JARID2: variants seen among roughly 807,000 people sequenced by gnomAD.
The protein encoded by JARID2 is protein Jumonji.
JARID2 carries 21 observed loss-of-function variants against 125.6 expected under a neutral mutation model. The observed-to-expected ratio is 0.17, with a 90% CI of 0.12 to 0.24. JARID2 has a LOEUF of 0.24. Among genes scored for constraint, JARID2 ranks in the 10% least tolerant of loss-of-function variants. The probability of loss-of-function intolerance (pLI) is 1.00; values close to 1 mark genes in which losing one functional copy is unlikely to be tolerated. For synonymous variants in JARID2, 736 were observed against 661.6 expected, an observed-to-expected ratio of 1.11 and a Z score of -1.73; for missense variants, 1,303 against 1,639.6, an observed-to-expected ratio of 0.79 and a Z score of 3.55.
At chr6:15,276,401 T>C (rs1282423212) in intron 1 of JARID2, among the ~76,000 whole-genome samples, 1 of 152,222 alleles carries the variant, frequency 6.6e-6, no homozygotes, top group Admixed American at 6.5e-5. Flanking sequence ...CCAGTGCATT[T>C]AGGGAGTTAT....
intron 3 of JARID2, among the ~76,000 whole-genome samples, chr6:15,416,725 G>GGA (rs1020956380): frequency 4.0e-5 from 6 of 150,346 alleles, no homozygotes; most frequent in African/African-American, 1.5e-4. Flanking sequence ...GGGAGAGGGG[G>GGA]GAGAGGGAGA....
intron 1 of JARID2, among the ~76,000 whole-genome samples, chr6:15,333,685 C>T (rs1046751744): frequency 6.6e-6 from 1 of 152,108 alleles, no homozygotes; most frequent in Non-Finnish European, 1.5e-5. Context: ...GAATGTATTC[C>T]TTATTATTGC....
intron 1 of JARID2, among the ~76,000 whole-genome samples, chr6:15,360,074 A>T (rs1244477667): frequency 6.6e-6 from 1 of 152,216 alleles, no homozygotes; most frequent in Non-Finnish European, 1.5e-5. Context: ...TGTCAAATGT[A>T]GATTTTCAGA....
intron 4 of JARID2, among the ~76,000 whole-genome samples, chr6:15,461,600 A>C (rs1184254794): frequency 6.6e-6 from 1 of 152,200 alleles, no homozygotes; most frequent in African/African-American, 2.4e-5. Context: ...CTGGTCACCA[A>C]CCAATCTAGT....
In JARID2 at chr6:15,501,344, G is replaced by C; in HGVS notation, c.2383G>C (p.Glu795Gln). 1 of 1,602,806 alleles carries C rather than the reference G, an allele frequency of 6.2e-7. No individual in the cohort carries two copies. Among genetic ancestry groups the C allele is most frequent in the Admixed American group, 1.7e-5 (1 of 58,742 alleles). ...GRRRLFAQEK[E>Q]VVKEEEEDKG... ...GCGGCGACTCTTCGCTCAGGAAAAA[G>C]AAGTGGTCAAGGAAGAGGAGGAGGA... Residue 795 changes from glutamate to glutamine, a missense_variant, in exon 8 of 18, where the codon GAA (glutamate) becomes CAA (glutamine). By Grantham distance (29) the Glu-to-Gln change is conservative (BLOSUM62 2). Coordinates refer to ENST00000341776, the MANE Select transcript of JARID2 (RefSeq NM_004973.4).
chr6:15,382,355 A>G (rs1392451516), intron 2 of JARID2, among the ~76,000 whole-genome samples: 1 of 152,206 alleles, frequency 6.6e-6, no homozygotes, highest in East Asian at 1.9e-4. Flanking sequence ...CCTAAGATAC[A>G]GGAAACGTTG....
chr6:15,479,663 A>G (rs531575762), intron 5 of JARID2, among the ~76,000 whole-genome samples: 3 of 152,336 alleles, frequency 2.0e-5, no homozygotes, highest in Non-Finnish European at 4.4e-5. Context: ...CCTGTAAACC[A>G]GTAGAATTTG....
At chr6:15,281,924 CTGTG>C (rs3138771) in intron 1 of JARID2, among the ~76,000 whole-genome samples, 17,685 of 146,120 alleles carry the variant, frequency 0.12, 1,067 homozygotes, top group South Asian at 0.19. Context: ...GGTATGTGCT[CTGTG>C]TGTGTGTGTG....
chr6:15,250,281 AAAG>A lies in JARID2; in HGVS notation c.45+3698_45+3700del, dbSNP rs1759392464. On this transcript the variant is annotated intron_variant, in intron 1 of 17. Coordinates refer to ENST00000341776, the MANE Select transcript of JARID2 (RefSeq NM_004973.4). ...ACAACTACGTAAAATTACAAAGAAAAAAGTAGGAAGAACACAAAATATACAGTG... is the reference window on the plus strand; with the variant it reads ...ACAACTACGTAAAATTACAAAGAAAATAGGAAGAACACAAAATATACAGTG... Among the ~76,000 whole-genome samples, 3 of 145,140 alleles carry A rather than the reference AAAG, an allele frequency of 2.1e-5. No individual in the cohort carries two copies. In the South Asian group the frequency reaches 7.2e-4, roughly 35 times the overall value.
intron 1 of JARID2, among the ~76,000 whole-genome samples, chr6:15,291,486 C>T (rs999127644): frequency 4.1e-4 from 63 of 152,278 alleles, no homozygotes; most frequent in African/African-American, 1.4e-3. Context: ...TCTCAGCCTG[C>T]GTCAGGCTTG....
intron 1 of JARID2, among the ~76,000 whole-genome samples, chr6:15,279,494 TG>T (rs1271017696): frequency 5.9e-5 from 9 of 152,228 alleles, no homozygotes; most frequent in Non-Finnish European, 1.2e-4. Flanking sequence ...TCTGGGGTCG[TG>T]GAAGTATGTG....
At chr6:15,270,112 C>T (rs1760239028) in intron 1 of JARID2, among the ~76,000 whole-genome samples, 1 of 152,154 alleles carries the variant, frequency 6.6e-6, no homozygotes, top group South Asian at 2.1e-4. Flanking sequence ...TTCCTTCCTT[C>T]CTTCAGTCCG....
chr6:15,373,269 T>C (rs1267990796), intron 1 of JARID2, among the ~76,000 whole-genome samples: 1 of 152,248 alleles, frequency 6.6e-6, no homozygotes, highest in Non-Finnish European at 1.5e-5. Flanking sequence ...CTCAAGTCTC[T>C]GTATAATTTT....
intron 1 of JARID2, among the ~76,000 whole-genome samples, chr6:15,291,735 A>G (rs183873512): frequency 2.0e-5 from 3 of 152,356 alleles, no homozygotes; most frequent in African/African-American, 4.8e-5. Flanking sequence ...AACCACAGAA[A>G]TGGAGAAAAG....
chr6:15,451,855 A>G, intron 3 of JARID2, 151 bp from the exon 4 acceptor site: 1 of 743,710 alleles, frequency 1.3e-6, no homozygotes, highest in African/African-American at 1.8e-5. Flanking sequence ...GTGGTTTATG[A>G]GAGTGTGAGA....
intron 7 of JARID2, among the ~76,000 whole-genome samples, chr6:15,499,384 C>G (rs1011489374): frequency 4.6e-5 from 7 of 152,132 alleles, no homozygotes; most frequent in African/African-American, 1.7e-4. Context: ...TGGGAGTGAT[C>G]GCAGCGGATG....
chr6:15,270,732 G>C (rs973614923), intron 1 of JARID2, among the ~76,000 whole-genome samples: 7 of 152,136 alleles, frequency 4.6e-5, no homozygotes, highest in Non-Finnish European at 1.0e-4. Flanking sequence ...GAGATCACTT[G>C]AGCCTAGGAG....
intron 8 of JARID2, among the ~76,000 whole-genome samples, chr6:15,504,139 C>T (rs1436783077): frequency 6.6e-6 from 1 of 151,118 alleles, no homozygotes; most frequent in African/African-American, 2.4e-5. Context: ...CCCGCAGCAG[C>T]CTTTGTCAGC....
chr6:15,472,673 GA>G (rs373794546), intron 5 of JARID2, among the ~76,000 whole-genome samples: 2 of 152,290 alleles, frequency 1.3e-5, no homozygotes, highest in Non-Finnish European at 2.9e-5. Context: ...TTGGTGGGGG[GA>G]TTGTTGCAGG....
Sources: allele counts gnomAD v4.1 joint callset (sites outside exome capture counted in the v4.1 genomes callset), GRCh38; gene constraint gnomAD v4.1.1; transcripts MANE v1.5; gene names NCBI Gene and HGNC (gene_info 2026-07-23, HGNC 2026-07-21).